SLC26A7: variants seen among roughly 807,000 people sequenced by gnomAD.
The protein encoded by SLC26A7 is solute carrier family 26 member 7, also known as anion exchange transporter.
Under a neutral mutation model 82.5 loss-of-function variants are expected in SLC26A7, and 59 were observed. That is an observed-to-expected ratio of 0.72 (90% CI 0.58 to 0.89). The LOEUF (loss-of-function observed/expected upper bound fraction) is 0.89. Ranked by LOEUF, SLC26A7 falls within the 40% of genes least tolerant of loss-of-function variation. The pLI, the probability that SLC26A7 is intolerant of heterozygous loss-of-function variation, is 0.00. For missense variants in SLC26A7, 820 were observed against 793.0 expected, an observed-to-expected ratio of 1.03 and a Z score of -0.41; for synonymous variants, 271 against 274.3, an observed-to-expected ratio of 0.99 and a Z score of 0.12.
intron 6 of SLC26A7, among the ~76,000 whole-genome samples, chr8:91,335,557 A>C (rs1813217404): frequency 6.6e-6 from 1 of 152,218 alleles, no homozygotes; most frequent in East Asian, 1.9e-4. Context: ...CGCATGTTTC[A>C]TAAAACTAAA....
chr8:91,379,483 G>A (rs559655323), intron 15 of SLC26A7, among the ~76,000 whole-genome samples: 2 of 152,166 alleles, frequency 1.3e-5, no homozygotes, highest in East Asian at 1.9e-4. Flanking sequence ...ATATGACAGA[G>A]TAGAGAGTTC....
At chr8:91,230,403 T>A (rs759952172) in intron 2 of SLC26A7, among the ~76,000 whole-genome samples, 1 of 152,244 alleles carries the variant, frequency 6.6e-6, no homozygotes, top group African/African-American at 2.4e-5. Flanking sequence ...TTAGGCTCAC[T>A]TTCCTCCCAA....
At chr8:91,348,287 A>G (rs1039461821) in intron 9 of SLC26A7, 2 of 981,136 alleles carry the variant, frequency 2.0e-6, no homozygotes, top group Non-Finnish European at 2.4e-6. Context: ...CCATTTCACT[A>G]CTTTCCACAA....
rs543626759 is a variant in SLC26A7 at position 91,262,068 on chromosome 8, T to C, written c.193+12224T>C. 2.0e-5 allele frequency among the ~76,000 whole-genome samples: 3 copies of C among 152,114 alleles called. No homozygotes were observed. In the South Asian group the frequency reaches 6.2e-4, roughly 32 times the overall value. Reference sequence around the variant, plus strand: ...CCCTTCCACTTAGCAGCATTCCTCTTGGAGGAGGTGGTAGACAGAAGAGGT... The same window carrying C: ...CCCTTCCACTTAGCAGCATTCCTCTCGGAGGAGGTGGTAGACAGAAGAGGT... On this transcript the variant is annotated intron_variant, in intron 2 of 18. Transcript: ENST00000276609.
At chr8:91,292,875 A>G (rs1299810838) in intron 3 of SLC26A7, among the ~76,000 whole-genome samples, 1 of 152,202 alleles carries the variant, frequency 6.6e-6, no homozygotes, top group Non-Finnish European at 1.5e-5. Context: ...AATGTGAGAC[A>G]ATTGGATAAT....
chr8:91,376,722 T>A (rs1450624404), intron 15 of SLC26A7, among the ~76,000 whole-genome samples: 1 of 152,092 alleles, frequency 6.6e-6, no homozygotes, highest in Non-Finnish European at 1.5e-5. Context: ...AAGAGCTGGC[T>A]CACTTCCCAG....
intron 2 of SLC26A7, among the ~76,000 whole-genome samples, chr8:91,286,486 C>T (rs1010304154): frequency 3.9e-5 from 6 of 152,102 alleles, no homozygotes; most frequent in African/African-American, 1.4e-4. Flanking sequence ...TCATCCATCC[C>T]CTCAGCCATC....
chr8:91,323,983 C>A (rs577815013), intron 5 of SLC26A7, among the ~76,000 whole-genome samples: 4 of 151,834 alleles, frequency 2.6e-5, no homozygotes, highest in Non-Finnish European at 4.4e-5. Context: ...TGCATAACCA[C>A]GCCTGGGTAA....
intron 2 of SLC26A7, among the ~76,000 whole-genome samples, chr8:91,267,481 A>G (rs189930051): frequency 6.6e-6 from 1 of 151,876 alleles, no homozygotes; most frequent in Non-Finnish European, 1.5e-5. Context: ...TCATGATTCA[A>G]TCTTGGTAGG....
At chr8:91,357,675 G>A (rs7828319) in intron 11 of SLC26A7, among the ~76,000 whole-genome samples, 69,632 of 151,910 alleles carry the variant, frequency 0.46, 17,727 homozygotes, top group African/African-American at 0.67. Context: ...AACCTAGGCA[G>A]TACCATTCAG....
chr8:91,287,333 A>T (rs913853245), intron 2 of SLC26A7, among the ~76,000 whole-genome samples: 2 of 152,224 alleles, frequency 1.3e-5, no homozygotes, highest in Non-Finnish European at 2.9e-5. Flanking sequence ...ACAGAGAGAG[A>T]TGACTGTTAT....
At chr8:91,343,123 C>A in intron 8 of SLC26A7, 1 of 412,794 alleles carries the variant, frequency 2.4e-6, no homozygotes, top group Non-Finnish European at 4.4e-6. Flanking sequence ...ATAGTATTTC[C>A]CTATAAGGTT....
chr8:91,329,352 C>G (rs954506650), intron 5 of SLC26A7, among the ~76,000 whole-genome samples: 4 of 152,168 alleles, frequency 2.6e-5, no homozygotes, highest in Non-Finnish European at 4.4e-5. Flanking sequence ...GTCCACATGA[C>G]AGTCATTAGA....
intron 3 of SLC26A7, among the ~76,000 whole-genome samples, chr8:91,290,086 A>G (rs761066771): frequency 2.7e-4 from 41 of 152,206 alleles, no homozygotes; most frequent in Non-Finnish European, 5.4e-4. Flanking sequence ...AAGATTTAAT[A>G]AAGTTAGCTA....
chr8:91,318,101 G>T, intron 4 of SLC26A7, 115 bp from the exon 5 acceptor site: 1 of 856,034 alleles, frequency 1.2e-6, no homozygotes. Flanking sequence ...CTTGTTACAT[G>T]TCAGTTCTCT....
At chr8:91,243,524 C>T (rs1353670344) in intron 2 of SLC26A7, among the ~76,000 whole-genome samples, 2 of 151,998 alleles carry the variant, frequency 1.3e-5, no homozygotes, top group Non-Finnish European at 2.9e-5. Flanking sequence ...CTGGAGACTC[C>T]AAAGCAGCTA....
In SLC26A7 at chr8:91,308,246, GGTGTGT is replaced by G. The variant is rs35920887; in HGVS notation, c.478-9941_478-9936del. ...GCGTTATATGTTTTTAGGAGGAAGA[GGTGTGT>G]GTGTGTGTGTGTGTGTGTGTGTGTG... On this transcript the variant is annotated intron_variant, in intron 4 of 18. Transcript: ENST00000276609. Among the ~76,000 whole-genome samples, 622 of 145,744 alleles carry G rather than the reference GGTGTGT, an allele frequency of 4.3e-3. 2 individuals are homozygous for G. The highest frequency in any genetic ancestry group is 5.6e-3 in the Non-Finnish European group (368 of 65,786).
intron 5 of SLC26A7, among the ~76,000 whole-genome samples, chr8:91,323,376 C>T (rs1273570775): frequency 6.6e-6 from 1 of 152,164 alleles, no homozygotes; most frequent in Non-Finnish European, 1.5e-5. Flanking sequence ...ATTTTTGCAA[C>T]TCAACCATCG....
At chr8:91,233,323 T>C (rs1810334475) in intron 2 of SLC26A7, among the ~76,000 whole-genome samples, 1 of 151,956 alleles carries the variant, frequency 6.6e-6, no homozygotes, top group African/African-American at 2.4e-5. Context: ...TCCCAGCACT[T>C]TGGGAGGCCG....
Sources: gnomAD v4.1 joint callset for allele counts (sites outside exome capture counted in the v4.1 genomes callset) on GRCh38, gnomAD v4.1.1 for gene constraint, MANE v1.5 for transcripts, NCBI Gene and HGNC (gene_info 2026-07-23, HGNC 2026-07-21) for gene names.